RNF220: variants seen among roughly 807,000 people sequenced by gnomAD.
RNF220 encodes the protein ring finger protein 220, also known as E3 ubiquitin-protein ligase RNF220.
Under a neutral mutation model 67.1 loss-of-function variants are expected in RNF220, and 7 were observed. The ratio of observed to expected loss-of-function variants is 0.10; its 90% confidence interval spans 0.06 to 0.20. The LOEUF is 0.20. Ranked by LOEUF, RNF220 falls within the 10% of genes least tolerant of loss-of-function variation. The pLI is 1.00. For synonymous variants in RNF220, 270 were observed against 283.2 expected (o/e 0.95, Z 0.47); for missense variants, 565 against 740.3 (o/e 0.76, Z 2.75).
intron 2 of RNF220, among the ~76,000 whole-genome samples, chr1:44,568,927 G>A (rs537292013): frequency 6.6e-6 from 1 of 152,274 alleles, no homozygotes; most frequent in South Asian, 2.1e-4. Context: ...ACTGGGTCTG[G>A]GAGCTCAGCA....
At chr1:44,414,308 C>T (rs1412961577) in intron 2 of RNF220, among the ~76,000 whole-genome samples, 1 of 152,184 alleles carries the variant, frequency 6.6e-6, no homozygotes, top group Admixed American at 6.5e-5. Flanking sequence ...GCCAAAACTG[C>T]CTTGTGTTAG....
intron 2 of RNF220, among the ~76,000 whole-genome samples, chr1:44,578,445 A>C (rs913376087): frequency 6.6e-6 from 1 of 152,150 alleles, no homozygotes; most frequent in Non-Finnish European, 1.5e-5. Context: ...CAGTGGGATA[A>C]GTATTTCAAT....
chr1:44,446,342 T>C (rs954842324), intron 2 of RNF220, among the ~76,000 whole-genome samples: 3 of 152,216 alleles, frequency 2.0e-5, no homozygotes, highest in African/African-American at 7.2e-5. Flanking sequence ...TGTTATATGG[T>C]ATTGTCTTTC....
At chr1:44,561,822 C>T (rs1663595765) in intron 2 of RNF220, among the ~76,000 whole-genome samples, 1 of 152,050 alleles carries the variant, frequency 6.6e-6, no homozygotes, top group Non-Finnish European at 1.5e-5. Context: ...GAGAGTGAGG[C>T]AGGAGAATCA....
chr1:44,632,423 G>T (rs1218599614), intron 6 of RNF220, 38 bp downstream of exon 6: 4 of 776,942 alleles, frequency 5.1e-6, no homozygotes, highest in Non-Finnish European at 4.8e-6. Flanking sequence ...CCCCACCCCC[G>T]GCCTCCTCCC....
At chr1:44,451,218 T>A (rs1361842761) in intron 2 of RNF220, among the ~76,000 whole-genome samples, 1 of 151,906 alleles carries the variant, frequency 6.6e-6, no homozygotes, top group Non-Finnish European at 1.5e-5. Flanking sequence ...AGACTGTACT[T>A]GTTTACATTC....
chr1:44,574,585 G>A (rs1326918291), intron 2 of RNF220, among the ~76,000 whole-genome samples: 1 of 152,152 alleles, frequency 6.6e-6, no homozygotes, highest in Non-Finnish European at 1.5e-5. Flanking sequence ...CTAAAGCCTG[G>A]CCCTTCAGTG....
chr1:44,417,405 A>G lies in RNF220; in HGVS notation c.625+4683A>G, dbSNP rs1648649368. ...ATGTTTGCACAGCTAAAGTGGGGCC[A>G]GGCTGGACGGGAGCAGTCCCTGATG... On this transcript the variant is annotated intron_variant, in intron 2 of 14. Transcript: ENST00000361799. The surrounding 1 kb of genome is among the most constrained non-coding windows in gnomAD (Gnocchi z 4.0). Among the ~76,000 whole-genome samples, 1 of 151,986 alleles carries G rather than the reference A, an allele frequency of 6.6e-6. No individual in the cohort carries two copies. Among genetic ancestry groups the G allele is most frequent in the Admixed American group, 6.6e-5 (1 of 15,260 alleles).
intron 2 of RNF220, among the ~76,000 whole-genome samples, chr1:44,520,816 T>C (rs1659877129): frequency 1.3e-5 from 2 of 152,234 alleles, no homozygotes; most frequent in Admixed American, 1.3e-4. Flanking sequence ...TCAGGTATTG[T>C]TCATGGCAAA....
intron 2 of RNF220, among the ~76,000 whole-genome samples, chr1:44,592,518 C>T (rs1214621151): frequency 2.0e-5 from 3 of 152,192 alleles, no homozygotes; most frequent in African/African-American, 7.2e-5. Context: ...AGGAGGAACT[C>T]GAGAGCCTGT....
intron 6 of RNF220, 118 bp from the exon 7 acceptor site, chr1:44,635,427 A>G: frequency 6.8e-7 from 1 of 1,467,712 alleles, no homozygotes; most frequent in South Asian, 1.3e-5. Context: ...CAGATCAGGC[A>G]CTGAATAAAA....
intron 2 of RNF220, among the ~76,000 whole-genome samples, chr1:44,518,637 G>T (rs974553981): frequency 6.6e-6 from 1 of 152,116 alleles, no homozygotes; most frequent in African/African-American, 2.4e-5. Flanking sequence ...AGCACTTTAG[G>T]AGGCCAAGGC....
At chr1:44,504,534 C>T (rs971836238) in intron 2 of RNF220, among the ~76,000 whole-genome samples, 8 of 150,362 alleles carry the variant, frequency 5.3e-5, no homozygotes, top group South Asian at 2.2e-4. Context: ...CTTAGGGATC[C>T]GGGTTTGTGA....
At chr1:44,580,052 A>G (rs1284464994) in intron 2 of RNF220, among the ~76,000 whole-genome samples, 10 of 143,970 alleles carry the variant, frequency 6.9e-5, no homozygotes, top group Non-Finnish European at 1.5e-4. Context: ...AAAAAAAAAA[A>G]AAAAAGAAAG....
intron 2 of RNF220, among the ~76,000 whole-genome samples, chr1:44,426,851 A>G (rs955827216): frequency 6.6e-6 from 1 of 152,212 alleles, no homozygotes; most frequent in Non-Finnish European, 1.5e-5. Flanking sequence ...AACAAGTTCC[A>G]GGGTTATTCC....
At chr1:44,560,803 C>T (rs1403758008) in intron 2 of RNF220, among the ~76,000 whole-genome samples, 3 of 152,048 alleles carry the variant, frequency 2.0e-5, no homozygotes, top group Admixed American at 2.0e-4. Flanking sequence ...CTCAAGTGAT[C>T]CGCCCCCTCA....
At chr1:44,614,372 C>A in intron 3 of RNF220, 75 bp downstream of exon 3, 1 of 1,544,506 alleles carries the variant, frequency 6.5e-7, no homozygotes, top group Admixed American at 1.8e-5. Flanking sequence ...CCAGAAGCAG[C>A]CGCCTGGCCC....
chr1:44,416,180 A>C (rs1572424770), intron 2 of RNF220, among the ~76,000 whole-genome samples: 1 of 152,196 alleles, frequency 6.6e-6, no homozygotes, highest in Admixed American at 6.5e-5. Flanking sequence ...TTTTGTGAGA[A>C]GCCATTCATG....
chr1:44,468,741 C>T (rs1654502753), intron 2 of RNF220, among the ~76,000 whole-genome samples: 1 of 151,850 alleles, frequency 6.6e-6, no homozygotes, highest in South Asian at 2.1e-4. Flanking sequence ...TGGTGAAACT[C>T]GGTCTCTACA....
Sources: gnomAD v4.1 joint callset for allele counts (sites outside exome capture counted in the v4.1 genomes callset) on GRCh38, gnomAD v4.1.1 for gene constraint, Gnocchi (gnomAD v3.1) non-coding constraint, MANE v1.5 for transcripts, NCBI Gene and HGNC (gene_info 2026-07-23, HGNC 2026-07-21) for gene names.